ARHGAP25: variants seen among roughly 807,000 people sequenced by gnomAD.
ARHGAP25 encodes rho GTPase-activating protein 25.
A neutral mutation model predicts 71.0 loss-of-function variants in ARHGAP25; 34 were observed. The observed-to-expected ratio is 0.48, with a 90% CI of 0.36 to 0.64. The LOEUF is 0.64. ARHGAP25 is among the 30% of genes least tolerant of loss of function. ARHGAP25 has a pLI of 0.00. For missense variants in ARHGAP25, 706 were observed against 805.1 expected, an observed-to-expected ratio of 0.88 and a Z score of 1.49; for synonymous variants, 282 against 296.5, an observed-to-expected ratio of 0.95 and a Z score of 0.50.
chr2:68,722,549 G>A (rs1674788180), intron 2 of ARHGAP25, among the ~76,000 whole-genome samples: 1 of 148,862 alleles, frequency 6.7e-6, no homozygotes, highest in South Asian at 2.1e-4. Context: ...CTGCACTCCA[G>A]CTTGGATGAC....
At chr2:68,745,198 A>G (rs1295167417) in intron 1 of ARHGAP25, among the ~76,000 whole-genome samples, 2 of 151,926 alleles carry the variant, frequency 1.3e-5, no homozygotes, top group African/African-American at 4.8e-5. Context: ...CGGTAGTTCC[A>G]CCTCCTTTGC....
chr2:68,785,960 A>G (rs1298685645), intron 3 of ARHGAP25, among the ~76,000 whole-genome samples: 1 of 152,150 alleles, frequency 6.6e-6, no homozygotes, highest in Non-Finnish European at 1.5e-5. Flanking sequence ...TAGCACCCCA[A>G]TTATGCCCAA....
Position 68,802,951 on chromosome 2 carries a change from A to T in ARHGAP25, c.467-4322A>T, listed in dbSNP as rs116663453. ...TCCATATATACACATATGTGTGTGT[A>T]TATATATACACACACATATATACAC... On this transcript the variant is annotated intron_variant, in intron 4 of 10. Transcript: ENST00000409202. 1.7e-4 allele frequency among the ~76,000 whole-genome samples: 25 copies of T among 143,932 alleles called. No homozygotes were observed. In the East Asian group the frequency reaches 5.4e-3, roughly 31 times the overall value. The allele number at this position is 143,932 out of a possible 152,430, so 94.4% of individuals were successfully genotyped here.
In ARHGAP25 at chr2:68,784,386, G is replaced by A. The variant is rs576057456; in HGVS notation, c.349+2066G>A. The stretch of plus-strand genomic sequence containing the variant: ...ATCCTCTTTTGCAAGATGATTCTCC[G>A]GAGCTAATGCTGGTGTAAGAAATGG... On this transcript the variant is annotated intron_variant, in intron 3 of 10. Coordinates refer to ENST00000409202, the MANE Select transcript of ARHGAP25 (RefSeq NM_001007231.3). 1.2e-4 allele frequency among the ~76,000 whole-genome samples: 18 copies of A among 152,150 alleles called. No homozygotes were observed. The South Asian group carries it at 3.1e-3, about 26-fold the overall frequency.
At chr2:68,744,492 C>A (rs1471639562) in intron 1 of ARHGAP25, among the ~76,000 whole-genome samples, 1 of 152,214 alleles carries the variant, frequency 6.6e-6, no homozygotes, top group African/African-American at 2.4e-5. Context: ...AAGATTCTGA[C>A]AGTCTCATTA....
At chr2:68,797,181 G>T (rs1203299111) in intron 4 of ARHGAP25, among the ~76,000 whole-genome samples, 1 of 152,160 alleles carries the variant, frequency 6.6e-6, no homozygotes, top group Non-Finnish European at 1.5e-5. Context: ...TTGTATTCAG[G>T]CCCTCCAATG....
intron 3 of ARHGAP25, among the ~76,000 whole-genome samples, chr2:68,782,898 C>G (rs1678443079): frequency 2.0e-5 from 3 of 152,354 alleles, no homozygotes; most frequent in African/African-American, 7.2e-5. Context: ...ATCTGCCACA[C>G]TGAGATGCTT....
intron 1 of ARHGAP25, among the ~76,000 whole-genome samples, chr2:68,751,929 G>A (rs1676202017): frequency 6.6e-6 from 1 of 152,156 alleles, no homozygotes; most frequent in Admixed American, 6.5e-5. Context: ...ACTAGATGGC[G>A]GCAAACTCAG....
intron 1 of ARHGAP25, among the ~76,000 whole-genome samples, chr2:68,751,826 A>G (rs1676194732): frequency 6.6e-6 from 1 of 152,210 alleles, no homozygotes; most frequent in African/African-American, 2.4e-5. Flanking sequence ...CTAACCGGGA[A>G]AATCCTAGAA....
chr2:68,763,189 T>C (rs1676928758), intron 1 of ARHGAP25, among the ~76,000 whole-genome samples: 2 of 152,252 alleles, frequency 1.3e-5, no homozygotes. Context: ...ATGCTTTCTT[T>C]ATCAAACTCT....
At chr2:68,761,618 A>G (rs1036874510) in intron 1 of ARHGAP25, among the ~76,000 whole-genome samples, 5 of 152,196 alleles carry the variant, frequency 3.3e-5, no homozygotes, top group Non-Finnish European at 5.9e-5. Flanking sequence ...GCAAATGGAC[A>G]ATAAATGAAA....
intron 3 of ARHGAP25, among the ~76,000 whole-genome samples, chr2:68,784,784 G>A (rs570711125): frequency 5.9e-5 from 9 of 152,334 alleles, no homozygotes; most frequent in South Asian, 4.1e-4. Context: ...TGCACGTTAC[G>A]TGGGAAGAGA....
At chr2:68,739,582 G>C (rs1215520340) in intron 1 of ARHGAP25, among the ~76,000 whole-genome samples, 2 of 152,210 alleles carry the variant, frequency 1.3e-5, no homozygotes, top group Non-Finnish European at 1.5e-5. Flanking sequence ...CTGGCATGAA[G>C]GTGCACCCCA....
intron 3 of ARHGAP25, among the ~76,000 whole-genome samples, chr2:68,783,346 A>T (rs1222934845): frequency 3.3e-5 from 5 of 152,224 alleles, no homozygotes; most frequent in Non-Finnish European, 7.3e-5. Flanking sequence ...TAATCTAGAG[A>T]TAATTATAAT....
chr2:68,735,624 G>A (rs1675173875), intron 1 of ARHGAP25: 2 of 256,248 alleles, frequency 7.8e-6, no homozygotes, highest in Non-Finnish European at 1.5e-5. Context: ...ACAAAGACTA[G>A]AGTCTTTTGA....
chr2:68,734,140 A>G (rs1240252339), upstream of ARHGAP25, among the ~76,000 whole-genome samples: 1 of 152,212 alleles, frequency 6.6e-6, no homozygotes, highest in East Asian at 1.9e-4. Context: ...CTCTGTGTCA[A>G]GCTCTGCACT....
rs1681751912 is a variant in ARHGAP25 at position 68,822,356 on chromosome 2, C to G, written c.1217C>G (p.Thr406Arg). The change falls in exon 10 of 11, where the codon ACA becomes AGA. Residue 406 changes from threonine (T) to arginine (R), a missense_variant. Thr to Arg is a moderately conservative substitution (Grantham distance 71). Coordinates refer to ENST00000409202, the MANE Select transcript of ARHGAP25 (RefSeq NM_001007231.3). The stretch of plus-strand genomic sequence containing the variant: ...CTTTTCTAGACAAGCGACTCTGATA[C>G]AACCAGCCCCACCGGACAGCAGCCG... ...SFSSMTSDSD[T>R]TSPTGQQPSD... 2 of 1,613,684 alleles carry G rather than the reference C, an allele frequency of 1.2e-6. No individual in the cohort carries two copies. The highest frequency in any genetic ancestry group is 1.1e-5 in the South Asian group (1 of 91,038).
Position 68,817,938 on chromosome 2 carries a change from T to G in ARHGAP25, c.947T>G (p.Val316Gly). The change falls in exon 8 of 11, where the codon GTG becomes GGG. Residue 316 changes from valine (V) to glycine (G), a missense_variant. Transcript: ENST00000409202. Reference sequence around the variant, plus strand: ...ATGAGTGTGGACAACCTGGCTACTGTGATTGGTGTGAATCTCATCAGGTCG... The same window carrying G: ...ATGAGTGTGGACAACCTGGCTACTGGGATTGGTGTGAATCTCATCAGGTCG... The part of the protein sequence containing the change: ...NKMSVDNLAT[V>G]IGVNLIRSKV... The G allele has an allele frequency of 6.2e-7, 1 of 1,614,124 alleles. No homozygotes were observed. Among genetic ancestry groups the G allele is most frequent in the Non-Finnish European group, 8.5e-7 (1 of 1,179,984 alleles).
chr2:68,779,827 C>T (rs949132322), intron 2 of ARHGAP25, among the ~76,000 whole-genome samples: 1 of 152,234 alleles, frequency 6.6e-6, no homozygotes, highest in African/African-American at 2.4e-5. Flanking sequence ...CACCCTCACC[C>T]CTACTGGTGT....
Sources: gnomAD v4.1 joint callset for allele counts (sites outside exome capture counted in the v4.1 genomes callset) on GRCh38, gnomAD v4.1.1 for gene constraint, MANE v1.5 for transcripts, NCBI Gene and HGNC (gene_info 2026-07-23, HGNC 2026-07-21) for gene names.